The following HPSE2 variants were observed in gnomAD, a reference collection of about 807,000 sequenced individuals.
The protein encoded by HPSE2 is heparanase 2 (inactive).
A neutral mutation model predicts 60.5 loss-of-function variants in HPSE2; 38 were observed. The observed-to-expected ratio is 0.63, with a 90% CI of 0.48 to 0.82. The LOEUF is 0.82. Ranked by LOEUF, HPSE2 falls within the 40% of genes least tolerant of loss-of-function variation. The probability of loss-of-function intolerance (pLI) is 0.00; values close to 1 mark genes in which losing one functional copy is unlikely to be tolerated. For synonymous variants in HPSE2, 295 were observed against 293.2 expected, an observed-to-expected ratio of 1.01 and a Z score of -0.06; for missense variants, 713 against 740.4, an observed-to-expected ratio of 0.96 and a Z score of 0.43.
At chr10:98,702,348 A>C (rs535167138) in intron 5 of HPSE2, among the ~76,000 whole-genome samples, 1 of 152,322 alleles carries the variant, frequency 6.6e-6, no homozygotes, top group East Asian at 1.9e-4. Flanking sequence ...TTAGACTCCC[A>C]CATAATAATA....
At chr10:98,933,526 A>G (rs992107322) in intron 3 of HPSE2, among the ~76,000 whole-genome samples, 3 of 143,308 alleles carry the variant, frequency 2.1e-5, no homozygotes, top group African/African-American at 8.6e-5. Context: ...TTCTGTCTCA[A>G]TGATCTGTCT....
intron 11 of HPSE2, among the ~76,000 whole-genome samples, chr10:98,463,008 C>G (rs1256597352): frequency 1.3e-5 from 2 of 151,126 alleles, no homozygotes; most frequent in African/African-American, 4.9e-5. Context: ...TATCCAATTA[C>G]TGTACCCAGA....
chr10:99,140,291 A>G (rs914802902), intron 3 of HPSE2, among the ~76,000 whole-genome samples: 9 of 152,220 alleles, frequency 5.9e-5, no homozygotes, highest in Admixed American at 4.6e-4. Context: ...CTGAATGAAG[A>G]GGTAGAAAAC....
At chr10:98,897,827 GA>G (rs1022565450) in intron 3 of HPSE2, among the ~76,000 whole-genome samples, 21 of 151,672 alleles carry the variant, frequency 1.4e-4, no homozygotes, top group African/African-American at 3.9e-4. Context: ...ACCCATGAAA[GA>G]AAAAAAATTG....
At chr10:99,147,197 A>C (rs1406832167) in intron 2 of HPSE2, among the ~76,000 whole-genome samples, 4 of 152,212 alleles carry the variant, frequency 2.6e-5, no homozygotes, top group African/African-American at 9.6e-5. Context: ...GGGATGTTCA[A>C]AGCCAATTTC....
At position 98,494,145 on chromosome 10, in the gene HPSE2, T is replaced by C. The variant is rs144678028; in HGVS notation, c.1321-3949A>G. On this transcript the variant is annotated intron_variant, in intron 9 of 11. Transcript: ENST00000370552. ...TAAAGAAATAGCACTTGAACATAAA[T>C]TTAATTTATTTAGTAAGGCCATTTT... is the stretch of plus-strand genomic sequence containing the variant. Among the ~76,000 whole-genome samples, 683 of 152,306 alleles carry C rather than the reference T, an allele frequency of 4.5e-3. 2 individuals carry two copies. Among genetic ancestry groups the C allele is most frequent in the South Asian group, 0.02 (95 of 4,826 alleles).
At chr10:98,612,763 G>A (rs745892300) in intron 9 of HPSE2, among the ~76,000 whole-genome samples, 3 of 152,164 alleles carry the variant, frequency 2.0e-5, no homozygotes, top group Admixed American at 6.5e-5. Flanking sequence ...CATTTAATGC[G>A]TGAATTATGC....
At chr10:98,843,243 T>A (rs1365676218) in intron 3 of HPSE2, among the ~76,000 whole-genome samples, 1 of 152,168 alleles carries the variant, frequency 6.6e-6, no homozygotes, top group East Asian at 1.9e-4. Flanking sequence ...TCCCTCTATG[T>A]GTCCATGCGT....
the HPSE2 span, among the ~76,000 whole-genome samples, chr10:99,245,489 G>A: frequency 6.6e-6 from 1 of 152,200 alleles, no homozygotes; most frequent in African/African-American, 2.4e-5. Flanking sequence ...GATAGAGAGG[G>A]ACCATCCCCT....
At position 99,144,410 on chromosome 10, in the gene HPSE2, A is replaced by G; in HGVS notation, c.449-11T>C. 6.2e-7 allele frequency: 1 copy of G among 1,612,658 alleles called. No individual in the cohort carries two copies. The stretch of plus-strand genomic sequence containing the variant: ...CACTTCGAACAATGTCTACAAAAAG[A>G]AAGAAAGAAGGCAGGCAGCAAAAAC... On this transcript the variant is annotated splice_polypyrimidine_tract_variant and intron_variant, in intron 2 of 11. Coordinates refer to ENST00000370552, the MANE Select transcript of HPSE2 (RefSeq NM_021828.5).
intron 3 of HPSE2, among the ~76,000 whole-genome samples, chr10:99,106,629 A>G (rs757667068): frequency 6.6e-6 from 1 of 151,684 alleles, no homozygotes; most frequent in Admixed American, 6.6e-5. Context: ...AATAATAATA[A>G]TAATAATATT....
chr10:98,773,245 T>C (rs1999778), intron 3 of HPSE2, among the ~76,000 whole-genome samples: 3,073 of 152,278 alleles, frequency 0.02, 120 homozygotes, highest in East Asian at 0.17. Flanking sequence ...ATTTTTTAAA[T>C]GAGACTAGCT....
intron 9 of HPSE2, among the ~76,000 whole-genome samples, chr10:98,595,946 C>G (rs1945223844): frequency 6.6e-6 from 1 of 152,166 alleles, no homozygotes; most frequent in Non-Finnish European, 1.5e-5. Context: ...TTTTCTACAT[C>G]TATTGAAATG....
intron 3 of HPSE2, among the ~76,000 whole-genome samples, chr10:99,042,598 A>G (rs1957765291): frequency 6.6e-6 from 1 of 151,768 alleles, no homozygotes; most frequent in African/African-American, 2.4e-5. Flanking sequence ...AGAGCACAAA[A>G]AAGGGTGAGT....
chr10:99,219,746 T>C lies in HPSE2; in HGVS notation c.448+12602A>G, dbSNP rs577211016. Among the ~76,000 whole-genome samples, 6 of 152,344 alleles carry C rather than the reference T, an allele frequency of 3.9e-5. No individual in the cohort carries two copies. The South Asian group carries it at 8.3e-4, about 21-fold the overall frequency. On this transcript the variant is annotated intron_variant, in intron 2 of 11. Transcript: ENST00000370552. The stretch of plus-strand genomic sequence containing the variant: ...CGTACTGTGAAAATCAGAGGAGTTT[T>C]TACAATCTTTAAATATTACAAATGT...
At chr10:98,840,793 C>T (rs1265363811) in intron 3 of HPSE2, among the ~76,000 whole-genome samples, 1 of 151,906 alleles carries the variant, frequency 6.6e-6, no homozygotes, top group East Asian at 1.9e-4. Flanking sequence ...TAGCCTGGAA[C>T]TAAAAAAATA....
At chr10:99,029,027 A>C (rs993407903) in intron 3 of HPSE2, among the ~76,000 whole-genome samples, 1 of 152,224 alleles carries the variant, frequency 6.6e-6, no homozygotes, top group African/African-American at 2.4e-5. Flanking sequence ...CTATTAAACT[A>C]CTACAAGAAA....
chr10:98,638,857 G>A (rs1408427243), intron 7 of HPSE2, among the ~76,000 whole-genome samples: 1 of 152,152 alleles, frequency 6.6e-6, no homozygotes, highest in Non-Finnish European at 1.5e-5. Context: ...TCTGGCAAGA[G>A]CTTTGTAAAA....
At chr10:98,904,602 A>G (rs895261341) in intron 3 of HPSE2, among the ~76,000 whole-genome samples, 1 of 152,174 alleles carries the variant, frequency 6.6e-6, no homozygotes, top group Admixed American at 6.5e-5. Context: ...ACAAATTAGG[A>G]CCTAAGCATC....
Sources: gnomAD v4.1 joint callset for allele counts (sites outside exome capture counted in the v4.1 genomes callset) on GRCh38, gnomAD v4.1.1 for gene constraint, MANE v1.5 for transcripts, NCBI Gene and HGNC (gene_info 2026-07-23, HGNC 2026-07-21) for gene names.